Variants in ANKRD6 observed in about 807,000 individuals in gnomAD.
ANKRD6 encodes ankyrin repeat domain-containing protein 6.
A neutral mutation model predicts 82.3 loss-of-function variants in ANKRD6; 56 were observed. The observed-to-expected ratio is 0.68, with a 90% confidence interval of 0.55 to 0.85. ANKRD6 has a LOEUF of 0.85. Ranked by LOEUF, ANKRD6 falls within the 40% of genes least tolerant of loss-of-function variation. The pLI, the probability that ANKRD6 is intolerant of heterozygous loss-of-function variation, is 0.00. For missense variants in ANKRD6, 852 were observed against 907.6 expected (o/e 0.94, Z 0.79); for synonymous variants, 347 against 352.1 (o/e 0.99, Z 0.16).
chr6:89,474,209 G>T (rs974555339), intron 1 of ANKRD6, among the ~76,000 whole-genome samples: 1 of 152,196 alleles, frequency 6.6e-6, no homozygotes, highest in African/African-American at 2.4e-5. Context: ...TGAACACACT[G>T]CCTATAGATT....
intron 1 of ANKRD6, among the ~76,000 whole-genome samples, chr6:89,541,387 C>CT (rs58643589): frequency 0.46 from 29,259 of 63,986 alleles, 9,223 homozygotes; most frequent in Non-Finnish European, 0.48. Flanking sequence ...TTACGTGTGG[C>CT]TTTTTTTTTT....
chr6:89,560,509 C>A (rs1192772495), intron 1 of ANKRD6, among the ~76,000 whole-genome samples: 1 of 152,180 alleles, frequency 6.6e-6, no homozygotes, highest in African/African-American at 2.4e-5. Context: ...CAATTCAGTT[C>A]ATAGCAGAAG....
chr6:89,487,689 G>T (rs1777525732), intron 1 of ANKRD6, among the ~76,000 whole-genome samples: 1 of 152,146 alleles, frequency 6.6e-6, no homozygotes, highest in South Asian at 2.1e-4. Context: ...AAAGAATAAG[G>T]TGGCTCACCT....
intron 1 of ANKRD6, among the ~76,000 whole-genome samples, chr6:89,481,618 G>A (rs186747783): frequency 1.3e-3 from 197 of 152,354 alleles, no homozygotes; most frequent in African/African-American, 4.6e-3. Context: ...AAAGAGGAAT[G>A]TTGATAGCTG....
chr6:89,539,884 A>C (rs529866882), intron 1 of ANKRD6, among the ~76,000 whole-genome samples: 2 of 152,128 alleles, frequency 1.3e-5, no homozygotes, highest in South Asian at 4.2e-4. Flanking sequence ...AAAAAAAAAA[A>C]ACCAGATGTT....
At chr6:89,628,859 C>A in intron 14 of ANKRD6, 1 of 468,562 alleles carries the variant, frequency 2.1e-6, no homozygotes, top group Non-Finnish European at 3.9e-6. Flanking sequence ...ATGAGGCATT[C>A]ACCCCCTTGA....
At chr6:89,589,215 C>T (rs1291646009) in intron 2 of ANKRD6, among the ~76,000 whole-genome samples, 1 of 152,138 alleles carries the variant, frequency 6.6e-6, no homozygotes, top group South Asian at 2.1e-4. Context: ...ACCCAACCTG[C>T]GTCCTGGCTG....
chr6:89,633,315 A>G lies in ANKRD6; in HGVS notation c.*2311A>G, dbSNP rs1377168485. ...AATGCAATACCTTTTCATCTTCAGCAAATGTTGTTTCATCTGTTTTTGATC... is the reference window on the plus strand; with the variant it reads ...AATGCAATACCTTTTCATCTTCAGCGAATGTTGTTTCATCTGTTTTTGATC... On this transcript the variant is annotated 3_prime_UTR_variant, in exon 16 of 16. Coordinates refer to ENST00000339746, the MANE Select transcript of ANKRD6 (RefSeq NM_001242809.2). 2 of 152,236 alleles carry G rather than the reference A, an allele frequency of 1.3e-5. No homozygotes were observed. Among genetic ancestry groups the G allele is most frequent in the African/African-American group, 4.8e-5 (2 of 41,472 alleles). The allele number at this position is 152,236 out of a possible 1,614,324, so 9.4% of individuals were successfully genotyped here.
chr6:89,602,615 C>G (rs971721914), intron 3 of ANKRD6: 9 of 175,980 alleles, frequency 5.1e-5, no homozygotes, highest in African/African-American at 1.9e-4. Context: ...ACAGTGGTCC[C>G]CCTGCAAGCT....
At position 89,464,976 on chromosome 6, in the gene ANKRD6, C is replaced by T. The variant is rs574834092; in HGVS notation, c.-144+31601C>T. On this transcript the variant is annotated intron_variant, in intron 1 of 15. Coordinates refer to ENST00000339746, the MANE Select transcript of ANKRD6 (RefSeq NM_001242809.2). ...AATCTGAGTACAAACAAAGACACAA[C>T]CTGAAAGGAGGGAACTATCAGCTTC... 4.6e-5 allele frequency among the ~76,000 whole-genome samples: 7 copies of T among 152,270 alleles called. No individual in the cohort carries two copies. In the South Asian group the frequency reaches 1.2e-3, roughly 27 times the overall value.
chr6:89,437,597 G>A (rs760790682), intron 1 of ANKRD6, among the ~76,000 whole-genome samples: 16 of 152,160 alleles, frequency 1.1e-4, no homozygotes, highest in Non-Finnish European at 2.1e-4. Flanking sequence ...TTTGGGGGAG[G>A]CAAATTTAAT....
intron 2 of ANKRD6, among the ~76,000 whole-genome samples, chr6:89,574,570 T>C (rs1790693174): frequency 6.6e-6 from 1 of 152,242 alleles, no homozygotes; most frequent in South Asian, 2.1e-4. Flanking sequence ...ATGAGGGGAA[T>C]AATGTTATTG....
rs112272454 is a variant in ANKRD6 at position 89,631,186 on chromosome 6, C to T, written c.*182C>T. On this transcript the variant is annotated 3_prime_UTR_variant, in exon 16 of 16. Transcript: ENST00000339746. ...GCCCAGGAAGTTATGAAGACTTCAA[C>T]AATTAAACTGAAACCAGGGGAAGCT... The T allele has an allele frequency of 7.9e-5, 88 of 1,119,110 alleles. 2 individuals are homozygous for T. The African/African-American group carries it at 1.0e-3, about 13-fold the overall frequency. The allele number at this position is 1,119,110 out of a possible 1,614,324, so 69.3% of individuals were successfully genotyped here.
At chr6:89,558,959 G>A (rs1476611625) in intron 1 of ANKRD6, among the ~76,000 whole-genome samples, 1 of 152,138 alleles carries the variant, frequency 6.6e-6, no homozygotes, top group Non-Finnish European at 1.5e-5. Flanking sequence ...GGAGGAAACA[G>A]GGCAGGAAGA....
chr6:89,496,106 A>G (rs993026469), intron 1 of ANKRD6, among the ~76,000 whole-genome samples: 6 of 150,130 alleles, frequency 4.0e-5, no homozygotes, highest in South Asian at 2.1e-4. Context: ...CAAAATGAAG[A>G]CTCCGGAGTT....
At chr6:89,544,318 A>G (rs1784776923) in intron 1 of ANKRD6, among the ~76,000 whole-genome samples, 1 of 152,150 alleles carries the variant, frequency 6.6e-6, no homozygotes, top group Non-Finnish European at 1.5e-5. Context: ...ACTAAACTAC[A>G]AGTCACAGCA....
chr6:89,512,561 G>A (rs748115928), intron 1 of ANKRD6, among the ~76,000 whole-genome samples: 19 of 152,334 alleles, frequency 1.2e-4, no homozygotes, highest in Middle Eastern at 6.8e-3. Context: ...GGAGTGTGGG[G>A]CTGTGGCCAG....
At chr6:89,478,243 T>C (rs748296837) in intron 1 of ANKRD6, 12 of 152,034 alleles carry the variant, frequency 7.9e-5, no homozygotes, top group African/African-American at 2.2e-4. Flanking sequence ...GCTATGCCAA[T>C]TGGGTGTCCA....
intron 1 of ANKRD6, among the ~76,000 whole-genome samples, chr6:89,527,832 C>G (rs945869509): frequency 2.0e-5 from 3 of 151,862 alleles, no homozygotes; most frequent in Non-Finnish European, 4.4e-5. Flanking sequence ...TGTTTTTTGA[C>G]AGAGTCTTGC....
Sources: gnomAD v4.1 joint callset for allele counts (sites outside exome capture counted in the v4.1 genomes callset) on GRCh38, gnomAD v4.1.1 for gene constraint, MANE v1.5 for transcripts, NCBI Gene and HGNC (gene_info 2026-07-23, HGNC 2026-07-21) for gene names.